Variants in ERGIC1 observed in about 807,000 individuals in gnomAD.
ERGIC1 encodes the protein endoplasmic reticulum-Golgi intermediate compartment protein 1.
ERGIC1 carries 19 observed loss-of-function variants against 38.3 expected under a neutral mutation model. The ratio of observed to expected loss-of-function variants is 0.50; its 90% CI spans 0.35 to 0.73. ERGIC1 has a LOEUF of 0.73. ERGIC1 is among the 30% of genes least tolerant of loss of function. The probability of loss-of-function intolerance (pLI) is 0.01; values close to 1 mark genes in which losing one functional copy is unlikely to be tolerated. For missense variants in ERGIC1, 294 were observed against 389.2 expected, an observed-to-expected ratio of 0.76 and a Z score of 2.06; for synonymous variants, 124 against 157.6, an observed-to-expected ratio of 0.79 and a Z score of 1.60.
chr5:172,835,247 A>G (rs570060797), intron 1 of ERGIC1, among the ~76,000 whole-genome samples: 1 of 152,294 alleles, frequency 6.6e-6, no homozygotes, highest in South Asian at 2.1e-4. Flanking sequence ...CTGGGAAAAG[A>G]GCAGGGCTTT....
intron 9 of ERGIC1, among the ~76,000 whole-genome samples, chr5:172,949,034 C>G (rs993093632): frequency 5.3e-5 from 8 of 152,184 alleles, no homozygotes; most frequent in African/African-American, 1.9e-4. Context: ...GCCTGGGTGA[C>G]AGAGTGAGAC....
At chr5:172,892,062 GTTTTTTTTTT>G (rs573472747) in intron 2 of ERGIC1, among the ~76,000 whole-genome samples, 3 of 90,228 alleles carry the variant, frequency 3.3e-5, no homozygotes, top group African/African-American at 1.2e-4. Flanking sequence ...TAAAGAGTAT[GTTTTTTTTTT>G]TTTTTTTTTT....
chr5:172,836,965 A>G (rs1342509279), intron 1 of ERGIC1, among the ~76,000 whole-genome samples: 1 of 152,116 alleles, frequency 6.6e-6, no homozygotes, highest in Non-Finnish European at 1.5e-5. Flanking sequence ...CTGGGATTTG[A>G]ACTTGGGGCT....
At chr5:172,938,792 G>A (rs867879888) in intron 9 of ERGIC1, among the ~76,000 whole-genome samples, 8 of 151,582 alleles carry the variant, frequency 5.3e-5, no homozygotes, top group Middle Eastern at 3.2e-3. Flanking sequence ...GGCCGGGCAC[G>A]GTGGCTCACG....
chr5:172,853,498 A>G (rs1761465064), intron 1 of ERGIC1, among the ~76,000 whole-genome samples: 1 of 152,208 alleles, frequency 6.6e-6, no homozygotes, highest in Non-Finnish European at 1.5e-5. Flanking sequence ...GCAGCCCTGT[A>G]GGGAAGGAGT....
chr5:172,852,696 C>T (rs948388043), intron 1 of ERGIC1, among the ~76,000 whole-genome samples: 1 of 152,244 alleles, frequency 6.6e-6, no homozygotes, highest in Non-Finnish European at 1.5e-5. Context: ...TGAAGCCTCT[C>T]TTGACTTGCC....
intron 3 of ERGIC1, among the ~76,000 whole-genome samples, chr5:172,902,606 G>T (rs141832865): frequency 7.7e-4 from 118 of 152,302 alleles, no homozygotes; most frequent in Non-Finnish European, 1.4e-3. Flanking sequence ...TGGCTTTGGA[G>T]CAGGGGTGGG....
intron 6 of ERGIC1, among the ~76,000 whole-genome samples, chr5:172,924,965 C>A (rs567326148): frequency 6.6e-6 from 1 of 152,130 alleles, no homozygotes; most frequent in Non-Finnish European, 1.5e-5. Context: ...AGGCCAGGTG[C>A]GGTGGCTCAC....
At chr5:172,887,846 A>T (rs1234412929) in intron 1 of ERGIC1, among the ~76,000 whole-genome samples, 1 of 152,200 alleles carries the variant, frequency 6.6e-6, no homozygotes, top group East Asian at 1.9e-4. Context: ...TAGCATTCTT[A>T]AGAAGAGTCT....
At chr5:172,945,288 T>C (rs1245525712) in intron 9 of ERGIC1, among the ~76,000 whole-genome samples, 1 of 152,228 alleles carries the variant, frequency 6.6e-6, no homozygotes, top group African/African-American at 2.4e-5. Context: ...TGTCTGGGCC[T>C]CAGCTACCTG....
chr5:172,877,539 A>C (rs1275175013), intron 1 of ERGIC1, among the ~76,000 whole-genome samples: 5 of 146,444 alleles, frequency 3.4e-5, no homozygotes, highest in Admixed American at 7.0e-5. Flanking sequence ...GGCTCACTGC[A>C]ACCTCCACCT....
At position 172,846,103 on chromosome 5, in the gene ERGIC1, A is replaced by G. The variant is rs1306776155; in HGVS notation, c.20+11670A>G. Among the ~76,000 whole-genome samples the G allele has an allele frequency of 1.3e-5, 2 of 152,042 alleles. No homozygotes were observed. Among genetic ancestry groups the G allele is most frequent in the Non-Finnish European group, 2.9e-5 (2 of 68,002 alleles). On this transcript the variant is annotated intron_variant, in intron 1 of 9. Transcript: ENST00000393784. This position sits in a 1 kb window ranked among gnomAD's most constrained non-coding sequence, Gnocchi z 4.0. ...TGAAGCGCCCTTCTCAGCACATCCC[A>G]TGGGGGTCCATGGCATCCATTTGAC...
At chr5:172,914,124 A>G (rs1167786033) in intron 4 of ERGIC1, among the ~76,000 whole-genome samples, 1 of 151,222 alleles carries the variant, frequency 6.6e-6, no homozygotes, top group African/African-American at 2.4e-5. Flanking sequence ...AATCCCAGCT[A>G]CTTGGGAGGC....
chr5:172,878,517 G>C (rs934956972), intron 1 of ERGIC1, among the ~76,000 whole-genome samples: 1 of 152,190 alleles, frequency 6.6e-6, no homozygotes, highest in Non-Finnish European at 1.5e-5. Flanking sequence ...CCGAGGCTTC[G>C]TGCGCAGTAA....
chr5:172,910,239 C>G (rs1180613120), intron 4 of ERGIC1, among the ~76,000 whole-genome samples: 1 of 152,184 alleles, frequency 6.6e-6, no homozygotes, highest in African/African-American at 2.4e-5. Flanking sequence ...CTGTTATTAT[C>G]CATGTCATTG....
At chr5:172,941,757 A>G (rs939285869) in intron 9 of ERGIC1, among the ~76,000 whole-genome samples, 13 of 152,252 alleles carry the variant, frequency 8.5e-5, no homozygotes, top group Non-Finnish European at 4.4e-5. Flanking sequence ...AACCATTAAA[A>G]AAGCCGACGT....
intron 9 of ERGIC1, chr5:172,935,552 C>G: frequency 2.1e-6 from 1 of 472,816 alleles, no homozygotes; most frequent in Non-Finnish European, 3.8e-6. Context: ...GCCCTGAAAT[C>G]CATTTAATTC....
intron 3 of ERGIC1, among the ~76,000 whole-genome samples, chr5:172,906,404 A>C (rs1346589198): frequency 6.6e-6 from 1 of 151,992 alleles, no homozygotes; most frequent in Non-Finnish European, 1.5e-5. Flanking sequence ...AGGGCATTTC[A>C]CAGGCGCACA....
intron 1 of ERGIC1, among the ~76,000 whole-genome samples, chr5:172,854,862 A>G (rs569303623): frequency 3.9e-5 from 6 of 152,252 alleles, no homozygotes; most frequent in Non-Finnish European, 8.8e-5. Context: ...GTGACCAGAA[A>G]TATGCCTTAG....
Sources: gnomAD v4.1 joint callset for allele counts (sites outside exome capture counted in the v4.1 genomes callset) on GRCh38, gnomAD v4.1.1 for gene constraint, Gnocchi (gnomAD v3.1) non-coding constraint, MANE v1.5 for transcripts, NCBI Gene and HGNC (gene_info 2026-07-23, HGNC 2026-07-21) for gene names.